Variants in FAM135B observed in about 807,000 individuals in gnomAD.
FAM135B encodes protein FAM135B.
In FAM135B, 43 loss-of-function variants were observed where a neutral mutation model predicts 127.7. That is an observed-to-expected ratio of 0.34 (90% confidence interval 0.26 to 0.43). FAM135B has a LOEUF of 0.43. Among genes scored for constraint, FAM135B ranks in the 20% least tolerant of loss-of-function variants. The pLI is 1.00. For synonymous variants in FAM135B, 670 were observed against 665.1 expected (o/e 1.01, Z -0.11); for missense variants, 1,558 against 1,725.6 (o/e 0.90, Z 1.72).
chr8:138,244,558 C>T (rs778638832), intron 6 of FAM135B, among the ~76,000 whole-genome samples: 1 of 152,160 alleles, frequency 6.6e-6, no homozygotes, highest in African/African-American at 2.4e-5. Context: ...TCCATCAATG[C>T]TAGGAGCTAT....
At chr8:138,286,090 C>A (rs2130770345) in intron 3 of FAM135B, among the ~76,000 whole-genome samples, 1 of 152,260 alleles carries the variant, frequency 6.6e-6, no homozygotes, top group East Asian at 1.9e-4. Flanking sequence ...GTAACCATTC[C>A]ATTCTAGTGC....
At chr8:138,283,642 T>C (rs1824447532) in intron 3 of FAM135B, among the ~76,000 whole-genome samples, 1 of 151,968 alleles carries the variant, frequency 6.6e-6, no homozygotes, top group South Asian at 2.1e-4. Flanking sequence ...ATGTAACAAA[T>C]GTTCCGCTCT....
At chr8:138,199,063 G>C (rs1161449599) in intron 7 of FAM135B, among the ~76,000 whole-genome samples, 1 of 152,146 alleles carries the variant, frequency 6.6e-6, no homozygotes, top group Non-Finnish European at 1.5e-5. Flanking sequence ...CCAATGACTG[G>C]AGATCCTTCT....
At chr8:138,230,940 T>C (rs187478139) in intron 7 of FAM135B, among the ~76,000 whole-genome samples, 21 of 152,328 alleles carry the variant, frequency 1.4e-4, no homozygotes, top group African/African-American at 4.1e-4. Flanking sequence ...CTTTGTTGCT[T>C]GGCTCTTCAT....
chr8:138,341,881 T>C (rs886353588), intron 2 of FAM135B, among the ~76,000 whole-genome samples: 1 of 152,126 alleles, frequency 6.6e-6, no homozygotes, highest in African/African-American at 2.4e-5. Context: ...AACCTCCTCA[T>C]CTCCCCAGAA....
intron 1 of FAM135B, among the ~76,000 whole-genome samples, chr8:138,423,817 T>G (rs919528570): frequency 1.4e-4 from 21 of 152,272 alleles, no homozygotes; most frequent in African/African-American, 4.8e-4. Flanking sequence ...GGGGCTTATT[T>G]CATCCCTACA....
At chr8:138,225,805 A>G (rs1819383766) in intron 7 of FAM135B, among the ~76,000 whole-genome samples, 1 of 152,186 alleles carries the variant, frequency 6.6e-6, no homozygotes, top group Non-Finnish European at 1.5e-5. Flanking sequence ...ATGAGTTGTG[A>G]GCAGGGATGG....
chr8:138,419,125 T>C (rs1203489142), intron 1 of FAM135B, among the ~76,000 whole-genome samples: 1 of 152,102 alleles, frequency 6.6e-6, no homozygotes, highest in Non-Finnish European at 1.5e-5. Flanking sequence ...TCACATGCAA[T>C]GACGCCACAG....
intron 9 of FAM135B, among the ~76,000 whole-genome samples, chr8:138,189,781 G>A (rs756027172): frequency 2.6e-5 from 4 of 152,170 alleles, no homozygotes; most frequent in East Asian, 3.9e-4. Flanking sequence ...TCCTGCCCAC[G>A]AAGGGGTTAG....
intron 18 of FAM135B, among the ~76,000 whole-genome samples, chr8:138,138,434 C>T (rs936093502): frequency 3.3e-5 from 5 of 152,196 alleles, no homozygotes; most frequent in African/African-American, 4.8e-5. Flanking sequence ...CTCCACTCGC[C>T]GACTGGACAT....
chr8:138,192,007 T>A (rs1422397157), intron 9 of FAM135B, among the ~76,000 whole-genome samples: 1 of 152,204 alleles, frequency 6.6e-6, no homozygotes, highest in Non-Finnish European at 1.5e-5. Context: ...CCTCACCCTG[T>A]TCTGCTTGCC....
chr8:138,286,910 C>G (rs1221990294), intron 3 of FAM135B, among the ~76,000 whole-genome samples: 1 of 152,196 alleles, frequency 6.6e-6, no homozygotes, highest in Non-Finnish European at 1.5e-5. Context: ...AAATCCCAGG[C>G]CCACCAGTTT....
At chr8:138,485,585 T>G (rs769838661) in intron 1 of FAM135B, among the ~76,000 whole-genome samples, 40 of 152,224 alleles carry the variant, frequency 2.6e-4, no homozygotes, top group African/African-American at 7.2e-4. Flanking sequence ...ATCATTATTT[T>G]AGAGATAAAG....
chr8:138,239,331 T>G (rs1459057792), intron 7 of FAM135B, among the ~76,000 whole-genome samples: 1 of 152,234 alleles, frequency 6.6e-6, no homozygotes, highest in Non-Finnish European at 1.5e-5. Flanking sequence ...CATTTTTTCA[T>G]GTGTCTATTG....
intron 3 of FAM135B, among the ~76,000 whole-genome samples, chr8:138,293,342 C>A (rs1029886762): frequency 6.6e-6 from 1 of 152,088 alleles, no homozygotes; most frequent in Non-Finnish European, 1.5e-5. Context: ...TTGGCCTATG[C>A]AAAGACTTTA....
At chr8:138,406,799 A>T (rs77879080) in intron 1 of FAM135B, among the ~76,000 whole-genome samples, 54,824 of 143,584 alleles carry the variant, frequency 0.38, 11,138 homozygotes, top group African/African-American at 0.5. Context: ...TCACAGCCAA[A>T]ATCATACTGA....
chr8:138,138,932 G>T (rs1816891494), intron 18 of FAM135B, 54 bp downstream of exon 18: 7 of 1,073,302 alleles, frequency 6.5e-6, no homozygotes, highest in Middle Eastern at 2.0e-4. Context: ...TGTGTCTCAG[G>T]AGTTGAATCC....
intron 1 of FAM135B, among the ~76,000 whole-genome samples, chr8:138,479,367 C>T (rs1564034023): frequency 6.6e-6 from 1 of 152,154 alleles, no homozygotes; most frequent in Non-Finnish European, 1.5e-5. Flanking sequence ...CAGTTCCAAC[C>T]CTCTAATCAC....
intron 1 of FAM135B, among the ~76,000 whole-genome samples, chr8:138,384,564 C>T (rs113745880): frequency 4.7e-4 from 72 of 152,132 alleles, no homozygotes; most frequent in Non-Finnish European, 4.0e-4. Context: ...AGACTATCTG[C>T]TCCCAAGCAT....
Sources: allele counts gnomAD v4.1 joint callset (sites outside exome capture counted in the v4.1 genomes callset), GRCh38; gene constraint gnomAD v4.1.1; transcripts MANE v1.5; gene names NCBI Gene and HGNC (gene_info 2026-07-23, HGNC 2026-07-21).